The following VCAN variants were observed in gnomAD, a reference collection of about 807,000 sequenced individuals.
VCAN encodes versican.
In VCAN, 44 loss-of-function variants were observed where a neutral mutation model predicts 245.5. That is an observed-to-expected ratio of 0.18 (90% confidence interval 0.14 to 0.23). The LOEUF is 0.23. Ranked by LOEUF, VCAN falls within the 10% of genes least tolerant of loss-of-function variation. The pLI, the probability that VCAN is intolerant of heterozygous loss-of-function variation, is 1.00. For missense variants in VCAN, 3,793 were observed against 4,057.9 expected, an observed-to-expected ratio of 0.93 and a Z score of 1.77; for synonymous variants, 1,413 against 1,437.0, an observed-to-expected ratio of 0.98 and a Z score of 0.38.
chr5:83,474,461 A>G (rs1744309647), intron 1 of VCAN, among the ~76,000 whole-genome samples: 1 of 152,178 alleles, frequency 6.6e-6, no homozygotes, highest in African/African-American at 2.4e-5. Context: ...GGAAAGAACT[A>G]GACAAGCGGA....
rs769065730 is a variant in VCAN, at chr5:83,493,923, A to C, written c.740A>C (p.His247Pro). 2 of 1,614,124 alleles carry C rather than the reference A, an allele frequency of 1.2e-6. No homozygotes were observed. Among genetic ancestry groups the C allele is most frequent in the Non-Finnish European group, 1.7e-6 (2 of 1,179,974 alleles). Reference protein sequence around the residue: ...ETYDVYCYVDHLDGDVFHLTV... With the variant: ...ETYDVYCYVDPLDGDVFHLTV... ...TACGATGTGTATTGTTATGTGGATC[A>C]TCTGGATGGTAAGATGTTTGAGTTT... Residue 247 changes from histidine (H) to proline (P), a missense_variant, in exon 5 of 15, where the codon CAT becomes CCT. Physicochemically the swap from His to Pro is moderately conservative, Grantham distance 77. Around this residue, in one of 5 missense-constraint regions of VCAN, gnomAD observed 190 missense variants for 288.6 expected, o/e 0.66. Transcript: ENST00000265077.
rs1357394432 is a variant in VCAN at position 83,540,591 on chromosome 5, T to A, written c.7588T>A (p.Ser2530Thr). The change falls in exon 8 of 15, where the codon TCC becomes ACC. Residue 2530 changes from serine to threonine, a missense_variant. Ser to Thr is a moderately conservative substitution (Grantham distance 58). Around this residue, in one of 5 missense-constraint regions of VCAN, gnomAD observed 3,182 missense variants for 3,250.3 expected, o/e 0.98. Coordinates refer to ENST00000265077, the MANE Select transcript of VCAN (RefSeq NM_004385.5). ...AGACCGTTTCAGGGAATTCGAGGATTCCACCTTAAAACCTAACAGAAAAAA... is the reference window on the plus strand; with the variant it reads ...AGACCGTTTCAGGGAATTCGAGGATACCACCTTAAAACCTAACAGAAAAAA... ...FQDRFREFED[S>T]TLKPNRKKPT... The A allele has an allele frequency of 6.2e-7, 1 of 1,613,802 alleles. No homozygotes were observed. Among genetic ancestry groups the A allele is most frequent in the Admixed American group, 1.7e-5 (1 of 59,962 alleles).
intron 7 of VCAN, chr5:83,536,698 G>A (rs1309270538): frequency 5.1e-6 from 1 of 196,720 alleles, no homozygotes; most frequent in South Asian, 1.7e-4. Context: ...ATGAATTCCT[G>A]CACTTCAAGA....
chr5:83,540,507 C>A lies in VCAN; in HGVS notation c.7504C>A (p.Pro2502Thr). The change falls in exon 8 of 15, where the codon CCA becomes ACA. Residue 2502 changes from proline (P) to threonine (T), a missense_variant. By Grantham distance (38) the Pro-to-Thr change is conservative. Transcript: ENST00000265077. ...HSEQNKSSPD[P>T]TSTLSNTVSY... The stretch of plus-strand genomic sequence containing the variant: ...AGAGCAGAACAAAAGCTCCCCTGAT[C>A]CAACTAGCACACTGTCAAATACAGT... 1 of 1,613,954 alleles carries A rather than the reference C, an allele frequency of 6.2e-7. No individual in the cohort carries two copies. Among genetic ancestry groups the A allele is most frequent in the South Asian group, 1.1e-5 (1 of 91,060 alleles).
In VCAN at chr5:83,579,961, C is replaced by T. The variant is rs1387478231; in HGVS notation, c.9881-19C>T. The T allele has an allele frequency of 1.2e-6, 2 of 1,613,410 alleles. No individual in the cohort carries two copies. The highest frequency in any genetic ancestry group is 2.2e-5 in the South Asian group (2 of 91,064). On this transcript the variant is annotated intron_variant, in intron 13 of 14. Coordinates refer to ENST00000265077, the MANE Select transcript of VCAN (RefSeq NM_004385.5). ...AATACTTAGATTATTTGGAAATAAC[C>T]CAATTTGCTTTCCTTTAGTCGCTTG...
chr5:83,543,834 A>G (rs1195127101), intron 8 of VCAN, among the ~76,000 whole-genome samples: 3 of 152,216 alleles, frequency 2.0e-5, no homozygotes, highest in Admixed American at 2.0e-4. Flanking sequence ...TTAATTCAGT[A>G]AACAGCAGCT....
chr5:83,490,168 A>G lies in VCAN; in HGVS notation c.141A>G (p.Ser47=), dbSNP rs764950063. ...SGKVSLPCHF[S]TMPTLPPSYN... ...AAGTCAGCCTACCTTGTCATTTTTC[A>G]ACGATGCCTACTTTGCCACCCAGTT... Residue 47 remains serine (S), a synonymous_variant, in exon 3 of 15, where the codon TCA becomes TCG. Transcript: ENST00000265077. 4 of 1,614,030 alleles carry G rather than the reference A, an allele frequency of 2.5e-6. No homozygotes were observed. The highest frequency in any genetic ancestry group is 1.7e-5 in the Admixed American group (1 of 60,004).
At chr5:83,576,648 T>G (rs78079192) in intron 13 of VCAN, among the ~76,000 whole-genome samples, 2,114 of 152,154 alleles carry the variant, frequency 0.014, 48 homozygotes, top group African/African-American at 0.049. Context: ...AAAGCCAAAT[T>G]TTTTTCCAAA....
intron 2 of VCAN, among the ~76,000 whole-genome samples, chr5:83,485,421 A>G (rs901564883): frequency 6.1e-5 from 9 of 148,310 alleles, no homozygotes; most frequent in Non-Finnish European, 1.2e-4. Flanking sequence ...AAAAAAAAAA[A>G]GTCTAGATTT....
intron 7 of VCAN, among the ~76,000 whole-genome samples, chr5:83,528,069 C>T (rs1244437432): frequency 6.6e-6 from 1 of 152,124 alleles, no homozygotes; most frequent in Admixed American, 6.6e-5. Context: ...TAAAGGTGGT[C>T]ATAAAAGAAA....
At chr5:83,482,367 A>G (rs1744642254) in intron 1 of VCAN, among the ~76,000 whole-genome samples, 1 of 151,282 alleles carries the variant, frequency 6.6e-6, no homozygotes, top group Non-Finnish European at 1.5e-5. Context: ...GGCCAAAACT[A>G]TATTATATAC....
chr5:83,572,365 T>TG, intron 12 of VCAN, 51 bp from the exon 13 acceptor site: 3 of 1,609,086 alleles, frequency 1.9e-6, no homozygotes, highest in Non-Finnish European at 2.6e-6. Context: ...TCGTTGCTCT[T>TG]ACGTTACTTT....
intron 7 of VCAN, among the ~76,000 whole-genome samples, chr5:83,524,945 A>G (rs942383598): frequency 3.9e-5 from 6 of 151,980 alleles, no homozygotes; most frequent in South Asian, 4.1e-4. Flanking sequence ...ATACACCTTT[A>G]TATATACTGT....
chr5:83,543,717 T>C (rs1183963188), intron 8 of VCAN, among the ~76,000 whole-genome samples: 3 of 152,226 alleles, frequency 2.0e-5, no homozygotes, highest in Non-Finnish European at 2.9e-5. Context: ...TAGGTACATA[T>C]AGAGTTAAGT....
chr5:83,567,521 C>A (rs1038615286), intron 12 of VCAN, among the ~76,000 whole-genome samples: 1 of 152,004 alleles, frequency 6.6e-6, no homozygotes, highest in Admixed American at 6.6e-5. Flanking sequence ...AGGCTGGTCT[C>A]GAACTCCTGA....
intron 7 of VCAN, among the ~76,000 whole-genome samples, chr5:83,526,796 A>G (rs770728888): frequency 6.6e-6 from 1 of 152,180 alleles, no homozygotes; most frequent in East Asian, 1.9e-4. Context: ...ATAATATATA[A>G]TGGTATGTCA....
chr5:83,576,105 T>A (rs1207958011), intron 13 of VCAN, among the ~76,000 whole-genome samples: 1 of 152,140 alleles, frequency 6.6e-6, no homozygotes, highest in Non-Finnish European at 1.5e-5. Context: ...AAAGGCATAT[T>A]TTTTAAAAGA....
intron 12 of VCAN, among the ~76,000 whole-genome samples, chr5:83,571,401 C>A (rs1306589241): frequency 6.6e-6 from 1 of 152,058 alleles, no homozygotes; most frequent in African/African-American, 2.4e-5. Context: ...TCTCTAAGGT[C>A]CAAATAATTC....
chr5:83,479,066 A>C (rs981437903), intron 1 of VCAN, among the ~76,000 whole-genome samples: 3 of 152,180 alleles, frequency 2.0e-5, no homozygotes, highest in African/African-American at 7.2e-5. Context: ...ACTTGTATGA[A>C]GTAAATTCAT....
Sources: gnomAD v4.1 joint callset for allele counts (sites outside exome capture counted in the v4.1 genomes callset) on GRCh38, gnomAD v4.1.1 for gene constraint, gnomAD v4.1.1 regional missense constraint, MANE v1.5 for transcripts, NCBI Gene and HGNC (gene_info 2026-07-23, HGNC 2026-07-21) for gene names.